The following APBA2 variants were observed in gnomAD, a reference collection of about 807,000 sequenced individuals.
APBA2 encodes the protein amyloid beta precursor protein binding family A member 2.
APBA2 carries 30 observed loss-of-function variants against 75.0 expected under a neutral mutation model. That is an observed-to-expected ratio of 0.40 (90% CI 0.30 to 0.54). The LOEUF is 0.54. APBA2 is among the 20% of genes least tolerant of loss of function. The pLI is 0.49. For missense variants in APBA2, 801 were observed against 1,016.1 expected (o/e 0.79, Z 2.88); for synonymous variants, 444 against 409.6 (o/e 1.08, Z -1.01).
intron 14 of APBA2, 83 bp from the exon 15 acceptor site, chr15:29,116,979 G>C (rs1482223179): frequency 2.6e-5 from 37 of 1,434,062 alleles, no homozygotes; most frequent in Non-Finnish European, 3.4e-5. Context: ...ACTCTGGGGG[G>C]TTTGCCTCTG....
chr15:29,028,695 C>T (rs1176419838), intron 3 of APBA2, among the ~76,000 whole-genome samples: 1 of 152,160 alleles, frequency 6.6e-6, no homozygotes, highest in East Asian at 1.9e-4. Flanking sequence ...TTAATAATCA[C>T]CATCCTGACT....
chr15:29,067,017 C>T (rs922112457), intron 4 of APBA2, among the ~76,000 whole-genome samples: 5 of 152,080 alleles, frequency 3.3e-5, no homozygotes, highest in African/African-American at 1.2e-4. Flanking sequence ...AGAGTGGGAG[C>T]CAGCACTTCA....
At chr15:28,961,447 C>A (rs1357244524) in intron 2 of APBA2, 1 of 151,952 alleles carries the variant, frequency 6.6e-6, no homozygotes, top group Non-Finnish European at 1.5e-5. Context: ...TCCGTGCTGA[C>A]GGAGGGTGAA....
rs1398035519 is a variant in APBA2 at position 29,046,968 on chromosome 15, T to C, written c.-40-6877T>C. 1.3e-5 allele frequency among the ~76,000 whole-genome samples: 2 copies of C among 152,212 alleles called. No individual in the cohort carries two copies. The highest frequency in any genetic ancestry group is 2.9e-5 in the Non-Finnish European group (2 of 68,034). On this transcript the variant is annotated intron_variant, in intron 3 of 14. Transcript: ENST00000683413. The surrounding 1 kb of genome is among the most constrained non-coding windows in gnomAD (Gnocchi z 5.0). ...TTCATTGACATTTTCCTTAACTCCCTTTATGTAGTGTTTATGGAGTTCAGG... is the reference window on the plus strand; with the variant it reads ...TTCATTGACATTTTCCTTAACTCCCCTTATGTAGTGTTTATGGAGTTCAGG...
At chr15:29,078,329 G>T (rs1014638090) in intron 6 of APBA2, among the ~76,000 whole-genome samples, 2 of 144,850 alleles carry the variant, frequency 1.4e-5, no homozygotes, top group African/African-American at 5.1e-5. Flanking sequence ...AAGTCTAGAG[G>T]TGGCCAGGCA....
At position 29,117,210 on chromosome 15, in the gene APBA2, A is replaced by AGACTT. The variant is rs955907083; in HGVS notation, c.*81_*85dup. On this transcript the variant is annotated 3_prime_UTR_variant, in exon 15 of 15. Transcript: ENST00000683413. ...CCAGAGGAGCTGGGAGCCGGGCCGC[A>AGACTT]GACTTGACCCCGACGCCACAGCCCA... The AGACTT allele has an allele frequency of 2.8e-6, 4 of 1,412,554 alleles. No homozygotes were observed. Among genetic ancestry groups the AGACTT allele is most frequent in the Admixed American group, 3.4e-5 (2 of 59,108 alleles). The allele number at this position is 1,412,554 out of a possible 1,614,324, so 87.5% of individuals were successfully genotyped here.
chr15:29,053,373 G>A (rs1163264610), intron 3 of APBA2, among the ~76,000 whole-genome samples: 1 of 152,156 alleles, frequency 6.6e-6, no homozygotes, highest in African/African-American at 2.4e-5. Context: ...AGCCTGAAGG[G>A]GAAGGTACCC....
chr15:28,913,959 ACC>A (rs1368834226), intron 1 of APBA2, among the ~76,000 whole-genome samples: 1 of 151,888 alleles, frequency 6.6e-6, no homozygotes, highest in Non-Finnish European at 1.5e-5. Flanking sequence ...ACTCACGCAC[ACC>A]CCTCTAGGAA....
intron 2 of APBA2, among the ~76,000 whole-genome samples, chr15:28,963,144 C>G (rs60086348): frequency 0.033 from 5,008 of 152,244 alleles, 296 homozygotes; most frequent in African/African-American, 0.11. Context: ...AGCTGGTTAT[C>G]AGGTTCATAT....
intron 2 of APBA2, among the ~76,000 whole-genome samples, chr15:28,978,007 T>C (rs1198297392): frequency 6.6e-6 from 1 of 152,190 alleles, no homozygotes; most frequent in Non-Finnish European, 1.5e-5. Flanking sequence ...AGGCTGCATC[T>C]ATTGTCCAAA....
intron 4 of APBA2, among the ~76,000 whole-genome samples, chr15:29,056,561 C>T (rs962308555): frequency 5.6e-5 from 2 of 35,824 alleles, no homozygotes; most frequent in African/African-American, 1.1e-4. Context: ...TTCCTCCTTT[C>T]CTCCCTTCCT....
chr15:29,034,348 T>G (rs967230081), intron 3 of APBA2, among the ~76,000 whole-genome samples: 5 of 152,180 alleles, frequency 3.3e-5, no homozygotes, highest in Non-Finnish European at 7.4e-5. Context: ...GTCATCTCTT[T>G]TGCATAAACT....
chr15:28,959,379 AG>A (rs2036345876), intron 2 of APBA2, among the ~76,000 whole-genome samples: 1 of 152,200 alleles, frequency 6.6e-6, no homozygotes, highest in East Asian at 1.9e-4. Context: ...ATTTGGAGAG[AG>A]GGTCTTTGAA....
intron 2 of APBA2, among the ~76,000 whole-genome samples, chr15:28,939,044 C>T (rs912575359): frequency 6.6e-6 from 1 of 152,160 alleles, no homozygotes; most frequent in African/African-American, 2.4e-5. Context: ...CTCCCAGCCA[C>T]CACTCTACTT....
intron 1 of APBA2, among the ~76,000 whole-genome samples, chr15:28,886,995 C>T (rs1271300396): frequency 2.0e-5 from 3 of 152,226 alleles, no homozygotes. Flanking sequence ...GGCCGGGCAG[C>T]GGGCCTCGGT....
intron 1 of APBA2, among the ~76,000 whole-genome samples, chr15:28,893,540 T>C (rs544643985): frequency 1.3e-5 from 2 of 152,336 alleles, no homozygotes; most frequent in African/African-American, 4.8e-5. Context: ...GTCTCGGGAA[T>C]GGCATTGGGT....
intron 4 of APBA2, among the ~76,000 whole-genome samples, chr15:29,073,333 G>A (rs1367959618): frequency 6.6e-6 from 1 of 152,178 alleles, no homozygotes; most frequent in African/African-American, 2.4e-5. Flanking sequence ...AAACCCTAAG[G>A]TGCTAGGTAA....
chr15:28,973,997 C>T (rs371058682), intron 2 of APBA2, among the ~76,000 whole-genome samples: 3 of 152,086 alleles, frequency 2.0e-5, no homozygotes, highest in African/African-American at 4.8e-5. Flanking sequence ...ACCTAGCAGC[C>T]GCATCAGTAA....
intron 6 of APBA2, among the ~76,000 whole-genome samples, chr15:29,087,189 T>G (rs2043325670): frequency 6.6e-6 from 1 of 152,228 alleles, no homozygotes; most frequent in Non-Finnish European, 1.5e-5. Flanking sequence ...GTTTCCAGGT[T>G]TTTGCTATTA....
Sources: gnomAD v4.1 joint callset for allele counts (sites outside exome capture counted in the v4.1 genomes callset) on GRCh38, gnomAD v4.1.1 for gene constraint, Gnocchi (gnomAD v3.1) non-coding constraint, MANE v1.5 for transcripts, NCBI Gene and HGNC (gene_info 2026-07-23, HGNC 2026-07-21) for gene names.